SH3GL3: variants seen among roughly 807,000 people sequenced by gnomAD.
The protein encoded by SH3GL3 is SH3 domain containing GRB2 like 3, endophilin A3.
Under a neutral mutation model 47.7 loss-of-function variants are expected in SH3GL3, and 33 were observed. The ratio of observed to expected loss-of-function variants is 0.69; its 90% CI spans 0.52 to 0.92. SH3GL3 has a LOEUF of 0.92. Ranked by LOEUF, SH3GL3 falls within the 40% of genes least tolerant of loss-of-function variation. The pLI is 0.00. For synonymous variants in SH3GL3, 155 were observed against 148.8 expected (o/e 1.04, Z -0.30); for missense variants, 363 against 417.8 (o/e 0.87, Z 1.14).
intron 3 of SH3GL3, among the ~76,000 whole-genome samples, chr15:83,566,138 G>T (rs2045524290): frequency 6.6e-6 from 1 of 152,152 alleles, no homozygotes; most frequent in Non-Finnish European, 1.5e-5. Context: ...AGTACACTAT[G>T]AAATCAGACA....
chr15:83,610,740 G>A (rs190967695), intron 8 of SH3GL3, among the ~76,000 whole-genome samples: 9 of 152,100 alleles, frequency 5.9e-5, no homozygotes, highest in Admixed American at 5.2e-4. Flanking sequence ...GGGAAATAGT[G>A]GTACCTACTC....
chr15:83,547,276 T>C (rs2044447114), intron 1 of SH3GL3, among the ~76,000 whole-genome samples: 1 of 152,104 alleles, frequency 6.6e-6, no homozygotes, highest in African/African-American at 2.4e-5. Flanking sequence ...GTCTAAGTGC[T>C]CCCTCCACGG....
rs1345295277 is a variant in SH3GL3, at chr15:83,448,395, G to T, written c.45+817G>T. Among the ~76,000 whole-genome samples the T allele has an allele frequency of 6.6e-6, 1 of 151,464 alleles. No individual in the cohort carries two copies. The highest frequency in any genetic ancestry group is 2.1e-4 in the South Asian group (1 of 4,800). On this transcript the variant is annotated intron_variant, in intron 1 of 8. Transcript: ENST00000427482. This position sits in a 1 kb window ranked among gnomAD's most constrained non-coding sequence, Gnocchi z 4.2. ...GGTGTGGGATGATAGGAGGAAAGCC[G>T]TTCTGAGCAGAGGAAACAGGAAAAC...
chr15:83,449,384 G>C (rs1317770804), intron 1 of SH3GL3, among the ~76,000 whole-genome samples: 1 of 147,122 alleles, frequency 6.8e-6, no homozygotes, highest in African/African-American at 2.5e-5. Flanking sequence ...GCTGTGAGCA[G>C]AGCAGAGCAG....
intron 1 of SH3GL3, among the ~76,000 whole-genome samples, chr15:83,538,312 G>A (rs1174618606): frequency 6.6e-6 from 1 of 152,142 alleles, no homozygotes; most frequent in Non-Finnish European, 1.5e-5. Context: ...TGCAATCAAT[G>A]TAAATATTAA....
At chr15:83,623,090 C>T (rs758106829), downstream of SH3GL3, among the ~76,000 whole-genome samples, 3 of 152,174 alleles carry the variant, frequency 2.0e-5, no homozygotes, top group Non-Finnish European at 2.9e-5. Flanking sequence ...ATCAGTTCTG[C>T]CTTAAAAATG....
the SH3GL3 span, among the ~76,000 whole-genome samples, chr15:83,633,582 G>C: frequency 6.6e-6 from 1 of 152,106 alleles, no homozygotes; most frequent in Non-Finnish European, 1.5e-5. Context: ...GAAGACAAGG[G>C]TCACTTTTAT....
intron 1 of SH3GL3, among the ~76,000 whole-genome samples, chr15:83,528,690 A>G (rs1264245615): frequency 6.6e-6 from 1 of 151,962 alleles, no homozygotes; most frequent in East Asian, 1.9e-4. Flanking sequence ...TGAATTTCTC[A>G]TTCACATTCT....
chr15:83,562,029 CAA>C (rs1566988932), intron 2 of SH3GL3, among the ~76,000 whole-genome samples: 1 of 105,966 alleles, frequency 9.4e-6, no homozygotes, highest in Non-Finnish European at 2.0e-5. Context: ...CACACACACA[CAA>C]CACACACACA....
chr15:83,510,021 A>G (rs961308095), intron 1 of SH3GL3, among the ~76,000 whole-genome samples: 1 of 151,968 alleles, frequency 6.6e-6, no homozygotes, highest in African/African-American at 2.4e-5. Context: ...ATATTAATGT[A>G]TGTGTTCACC....
chr15:83,609,833 G>T (rs186064281), intron 8 of SH3GL3, among the ~76,000 whole-genome samples: 95 of 152,238 alleles, frequency 6.2e-4, no homozygotes, highest in Admixed American at 7.2e-4. Flanking sequence ...TGGAGAACAG[G>T]CTTCCAGATC....
chr15:83,584,396 A>G (rs1329997570), intron 6 of SH3GL3, among the ~76,000 whole-genome samples: 2 of 152,190 alleles, frequency 1.3e-5, no homozygotes, highest in South Asian at 2.1e-4. Context: ...CCCTTTTGCT[A>G]TGTAAAGTAA....
intron 1 of SH3GL3, among the ~76,000 whole-genome samples, chr15:83,468,183 A>G (rs936613717): frequency 1.3e-5 from 2 of 152,198 alleles, no homozygotes; most frequent in African/African-American, 2.4e-5. Context: ...GTGTATGAAG[A>G]TATAATTGTT....
At chr15:83,571,431 T>G (rs995143829) in intron 4 of SH3GL3, among the ~76,000 whole-genome samples, 18 of 152,248 alleles carry the variant, frequency 1.2e-4, no homozygotes, top group African/African-American at 4.1e-4. Context: ...AGGAATTATT[T>G]AGACACACTT....
At chr15:83,490,342 C>T (rs1350314445) in intron 1 of SH3GL3, among the ~76,000 whole-genome samples, 1 of 148,636 alleles carries the variant, frequency 6.7e-6, no homozygotes, top group African/African-American at 2.5e-5. Flanking sequence ...CCAGTGACTT[C>T]TTATATGCCA....
chr15:83,630,707 A>G, the SH3GL3 span, among the ~76,000 whole-genome samples: 2 of 152,142 alleles, frequency 1.3e-5, no homozygotes, highest in Non-Finnish European at 2.9e-5. Flanking sequence ...AACTGCCTCC[A>G]TGATTCAATT....
intron 1 of SH3GL3, among the ~76,000 whole-genome samples, chr15:83,515,754 A>T (rs1567292174): frequency 1.3e-5 from 2 of 152,260 alleles, no homozygotes; most frequent in Admixed American, 1.3e-4. Flanking sequence ...AAATAAAATT[A>T]CAAACCTAAT....
intron 1 of SH3GL3, among the ~76,000 whole-genome samples, chr15:83,516,905 A>T (rs2043001200): frequency 6.8e-6 from 1 of 147,664 alleles, no homozygotes; most frequent in East Asian, 2.0e-4. Flanking sequence ...TTCAGTCAAC[A>T]TTTTTTTTTT....
chr15:83,493,401 A>G (rs572806299), intron 1 of SH3GL3, among the ~76,000 whole-genome samples: 140 of 152,362 alleles, frequency 9.2e-4, no homozygotes, highest in Non-Finnish European at 1.8e-3. Context: ...AAAAAAGCAC[A>G]TGTACACCTT....
Sources: gnomAD v4.1 joint callset for allele counts (sites outside exome capture counted in the v4.1 genomes callset) on GRCh38, gnomAD v4.1.1 for gene constraint, Gnocchi (gnomAD v3.1) non-coding constraint, MANE v1.5 for transcripts, NCBI Gene and HGNC (gene_info 2026-07-23, HGNC 2026-07-21) for gene names.